ZNF169: variants seen among roughly 807,000 people sequenced by gnomAD.
ZNF169 encodes the protein zinc finger protein 169.
ZNF169 carries 11 observed loss-of-function variants against 12.0 expected under a neutral mutation model. That is an observed-to-expected ratio of 0.92 (90% confidence interval 0.58 to 1.52). The LOEUF (loss-of-function observed/expected upper bound fraction) is 1.52, where lower values mean the gene tolerates loss of function less well. ZNF169 is among the 40% of genes most tolerant of loss of function. The pLI, the probability that ZNF169 is intolerant of heterozygous loss-of-function variation, is 0.00. For missense variants in ZNF169, 722 were observed against 744.0 expected (o/e 0.97, Z 0.34); for synonymous variants, 302 against 286.5 (o/e 1.05, Z -0.55).
At chr9:94,284,867 T>G (rs112011921) in intron 2 of ZNF169, among the ~76,000 whole-genome samples, 110 of 152,260 alleles carry the variant, frequency 7.2e-4, no homozygotes, top group African/African-American at 2.4e-3. Context: ...TGTTTTTTTT[T>G]CAGAAATAGA....
rs1246741690 is a variant in ZNF169, at chr9:94,289,828, CTG to C, written c.34-2511_34-2510del. Among the ~76,000 whole-genome samples the C allele has an allele frequency of 2.6e-5, 4 of 152,146 alleles. No individual in the cohort carries two copies. In the East Asian group the frequency reaches 7.7e-4, roughly 29 times the overall value. On this transcript the variant is annotated intron_variant, in intron 2 of 4. Transcript: ENST00000395395. Reference sequence around the variant, plus strand: ...ATACAGTGAAATACACTAAGAAACACTGTAGGCAAATCAAGACAGAATTATAA... The same window carrying C: ...ATACAGTGAAATACACTAAGAAACACTAGGCAAATCAAGACAGAATTATAA...
At chr9:94,292,199 G>A (rs1830855136) in intron 2 of ZNF169, 142 bp from the exon 3 acceptor site, 3 of 1,360,590 alleles carry the variant, frequency 2.2e-6, no homozygotes, top group Non-Finnish European at 3.1e-6. Context: ...ATGGAACCAG[G>A]TTTCAGGTTA....
chr9:94,292,555 A>G (rs1830863846), intron 3 of ZNF169, 88 bp downstream of exon 3: 3 of 1,538,726 alleles, frequency 1.9e-6, no homozygotes, highest in Admixed American at 2.1e-5. Flanking sequence ...TGACTCAGAA[A>G]AACAGTTTTT....
At chr9:94,260,383 G>T (rs553054624) in intron 1 of ZNF169, among the ~76,000 whole-genome samples, 33 of 152,292 alleles carry the variant, frequency 2.2e-4, no homozygotes, top group African/African-American at 7.7e-4. Flanking sequence ...CTTGTGGATG[G>T]CTGGTGCACT....
At chr9:94,270,850 TAA>T (rs373309577) in intron 1 of ZNF169, among the ~76,000 whole-genome samples, 13 of 28,310 alleles carry the variant, frequency 4.6e-4, no homozygotes, top group East Asian at 1.6e-3. Flanking sequence ...TTATATTATA[TAA>T]ATATATATAA....
chr9:94,288,024 TCA>T, intron 2 of ZNF169: 1 of 778,426 alleles, frequency 1.3e-6, no homozygotes, highest in South Asian at 1.4e-5. Flanking sequence ...CTGGAATTCA[TCA>T]GTCTTGTAGC....
chr9:94,263,856 A>G (rs1361079764), intron 1 of ZNF169, among the ~76,000 whole-genome samples: 2 of 143,622 alleles, frequency 1.4e-5, no homozygotes, highest in Admixed American at 1.4e-4. Flanking sequence ...TTAGCATTCT[A>G]ATTTAACTTA....
chr9:94,270,683 TA>T (rs1198646787), intron 1 of ZNF169, among the ~76,000 whole-genome samples: 1 of 67,438 alleles, frequency 1.5e-5, no homozygotes, highest in Non-Finnish European at 3.2e-5. Context: ...TATAAATATA[TA>T]TAAATATATA....
intron 1 of ZNF169, among the ~76,000 whole-genome samples, chr9:94,264,570 A>C (rs983888736): frequency 6.6e-6 from 1 of 152,210 alleles, no homozygotes; most frequent in Non-Finnish European, 1.5e-5. Context: ...TCTTCAGTTC[A>C]CAAAAACTCT....
Position 94,301,469 on chromosome 9 carries a change from A to T in ZNF169, c.*99A>T. 6.9e-7 allele frequency: 1 copy of T among 1,448,468 alleles called. No individual in the cohort carries two copies. The highest frequency in any genetic ancestry group is 1.5e-5 in the South Asian group (1 of 65,652). 89.7% of individuals were successfully genotyped at this position (1,448,468 alleles called of 1,614,324 possible). On this transcript the variant is annotated 3_prime_UTR_variant, in exon 5 of 5. Transcript: ENST00000395395. ...AAAAAAAAAAATGTTGCTTTCTTTC[A>T]TCGATCATGAGATAGTTGATTTTTG...
At chr9:94,292,937 A>T (rs1410866344) in intron 3 of ZNF169, 37 bp from the exon 4 acceptor site, 3 of 1,561,720 alleles carry the variant, frequency 1.9e-6, no homozygotes, top group East Asian at 2.3e-5. Flanking sequence ...TAAGCCACTA[A>T]CTCAAGATCA....
At chr9:94,272,084 G>A (rs58772395) in intron 1 of ZNF169, among the ~76,000 whole-genome samples, 14 of 152,192 alleles carry the variant, frequency 9.2e-5, no homozygotes, top group African/African-American at 3.4e-4. Flanking sequence ...TTCATTTCAC[G>A]AATTTGGGGC....
chr9:94,259,846 C>A (rs1830167304), intron 1 of ZNF169, among the ~76,000 whole-genome samples: 1 of 152,128 alleles, frequency 6.6e-6, no homozygotes, highest in Non-Finnish European at 1.5e-5. Flanking sequence ...GTGGGAGGCA[C>A]GCGGCTTGGG....
intron 1 of ZNF169, among the ~76,000 whole-genome samples, chr9:94,259,985 C>G (rs1587664274): frequency 6.6e-6 from 1 of 151,348 alleles, no homozygotes; most frequent in Admixed American, 6.6e-5. Context: ...CTGCAATCTC[C>G]GCGCCCCACC....
At chr9:94,268,238 AGCC>A (rs1306132267) in intron 1 of ZNF169, among the ~76,000 whole-genome samples, 5 of 152,168 alleles carry the variant, frequency 3.3e-5, no homozygotes, top group African/African-American at 1.2e-4. Flanking sequence ...GTTTTAGGGT[AGCC>A]ATAGTTAAAG....
chr9:94,295,145 T>C (rs1437899567), intron 4 of ZNF169: 3 of 152,148 alleles, frequency 2.0e-5, no homozygotes, highest in African/African-American at 4.8e-5. Context: ...CTGGCCAACA[T>C]GGCAAAATCC....
Position 94,300,624 on chromosome 9 carries a change from T to C in ZNF169, c.1066T>C (p.Cys356Arg). 2 of 1,613,696 alleles carry C rather than the reference T, an allele frequency of 1.2e-6. No individual in the cohort carries two copies. Among genetic ancestry groups the C allele is most frequent in the South Asian group, 1.1e-5 (1 of 91,062 alleles). The change falls in exon 5 of 5, where the codon TGC becomes CGC. Residue 356 changes from cysteine to arginine, a missense_variant. Coordinates refer to ENST00000395395, the MANE Select transcript of ZNF169 (RefSeq NM_194320.4). ...GTGTCCTGAGTGTGGGAGAGGCTTT[T>C]GCCAGAAGGCATCACTCCTCCAGCA... ...FVCPECGRGF[C>R]QKASLLQHQS...
At chr9:94,280,560 C>T (rs188846648) in intron 2 of ZNF169, among the ~76,000 whole-genome samples, 140 of 152,276 alleles carry the variant, frequency 9.2e-4, no homozygotes, top group Non-Finnish European at 1.6e-3. Context: ...AAAGAAACAG[C>T]ATTCAAACAT....
At position 94,278,780 on chromosome 9, in the gene ZNF169, T is replaced by C; in HGVS notation, c.-33T>C. 5 of 1,610,160 alleles carry C rather than the reference T, an allele frequency of 3.1e-6. No individual in the cohort carries two copies. The highest frequency in any genetic ancestry group is 4.2e-6 in the Non-Finnish European group (5 of 1,178,384). ...CAGATTTGCCTCTGCAACTTGACTC[T>C]CCTCTAGGAAGAGTACTCCAGAGAG... On this transcript the variant is annotated 5_prime_UTR_variant, in exon 2 of 5. Transcript: ENST00000395395.
Sources: gnomAD v4.1 joint callset for allele counts (sites outside exome capture counted in the v4.1 genomes callset) on GRCh38, gnomAD v4.1.1 for gene constraint, MANE v1.5 for transcripts, NCBI Gene and HGNC (gene_info 2026-07-23, HGNC 2026-07-21) for gene names.